The following PRKAR2B variants were observed in gnomAD, a reference collection of about 807,000 sequenced individuals.
PRKAR2B encodes protein kinase cAMP-dependent type II regulatory subunit beta, also known as cAMP-dependent protein kinase type II-beta regulatory subunit.
PRKAR2B carries 14 observed loss-of-function variants against 49.9 expected under a neutral mutation model. The observed-to-expected ratio is 0.28, with a 90% CI of 0.19 to 0.44. PRKAR2B has a LOEUF of 0.44. Ranked by LOEUF, PRKAR2B falls within the 20% of genes least tolerant of loss-of-function variation. The pLI is 1.00. For synonymous variants in PRKAR2B, 196 were observed against 197.7 expected, an observed-to-expected ratio of 0.99 and a Z score of 0.07; for missense variants, 393 against 537.9, an observed-to-expected ratio of 0.73 and a Z score of 2.67.
intron 5 of PRKAR2B, 142 bp from the exon 6 acceptor site, chr7:107,146,166 A>T: frequency 1.2e-6 from 1 of 824,830 alleles, no homozygotes. Flanking sequence ...CAGATGGCAC[A>T]GATTGATTCC....
intron 2 of PRKAR2B, 111 bp from the exon 3 acceptor site, chr7:107,121,841 T>C (rs904930982): frequency 7.8e-6 from 4 of 514,902 alleles, no homozygotes; most frequent in Non-Finnish European, 1.3e-5. Context: ...GGTGAATTAA[T>C]GGTTTTTTAT....
chr7:107,078,597 G>A (rs1794454095), intron 2 of PRKAR2B, among the ~76,000 whole-genome samples: 1 of 152,164 alleles, frequency 6.6e-6, no homozygotes, highest in Admixed American at 6.5e-5. Flanking sequence ...AATAATCCAA[G>A]TGAACAGAGC....
chr7:107,097,256 A>G (rs1794858847), intron 2 of PRKAR2B, among the ~76,000 whole-genome samples: 1 of 152,156 alleles, frequency 6.6e-6, no homozygotes, highest in South Asian at 2.1e-4. Flanking sequence ...CTTTACCATT[A>G]TGTAATGGCC....
In PRKAR2B at chr7:107,160,748, A is replaced by G. The variant is rs1240333180; in HGVS notation, c.*1166A>G. ...AATTTCTGACCTTACCATATATACC[A>G]TTAGGCCTTGCCATTGCTTTAATGT... is the stretch of plus-strand genomic sequence containing the variant. On this transcript the variant is annotated 3_prime_UTR_variant, in exon 11 of 11. Transcript: ENST00000265717. 2 of 152,176 alleles carry G rather than the reference A, an allele frequency of 1.3e-5. No individual in the cohort carries two copies. Among genetic ancestry groups the G allele is most frequent in the Admixed American group, 6.5e-5 (1 of 15,280 alleles). The allele number at this position is 152,176 out of a possible 1,614,324, so 9.4% of individuals were successfully genotyped here. A position where few individuals can be genotyped will look rare whatever the true frequency, so the allele number is the denominator to read the frequency against.
At chr7:107,119,738 T>G (rs757212576) in intron 2 of PRKAR2B, among the ~76,000 whole-genome samples, 10 of 152,182 alleles carry the variant, frequency 6.6e-5, no homozygotes, top group South Asian at 2.1e-4. Flanking sequence ...CTTGGCTGCT[T>G]CTTTGGTTTT....
At chr7:107,146,770 G>C (rs938901234) in intron 6 of PRKAR2B, among the ~76,000 whole-genome samples, 1 of 152,172 alleles carries the variant, frequency 6.6e-6, no homozygotes, top group Non-Finnish European at 1.5e-5. Context: ...ACAGCCTTAA[G>C]TACTTTTTCT....
chr7:107,079,388 T>C (rs541392591), intron 2 of PRKAR2B: 14 of 151,962 alleles, frequency 9.2e-5, no homozygotes, highest in Non-Finnish European at 1.9e-4. Flanking sequence ...AAGAAACTTC[T>C]CACAAAAAGC....
At chr7:107,059,118 T>C (rs1365311489) in intron 1 of PRKAR2B, among the ~76,000 whole-genome samples, 1 of 151,978 alleles carries the variant, frequency 6.6e-6, no homozygotes, top group African/African-American at 2.4e-5. Flanking sequence ...TGAAACCCCA[T>C]CTCTACTAAA....
intron 2 of PRKAR2B, among the ~76,000 whole-genome samples, chr7:107,101,753 G>T (rs1376761657): frequency 6.6e-6 from 1 of 152,090 alleles, no homozygotes; most frequent in Admixed American, 6.6e-5. Flanking sequence ...GTGGGTGAGG[G>T]ATTGCAGCCC....
At chr7:107,111,299 C>T (rs1795167289) in intron 2 of PRKAR2B, among the ~76,000 whole-genome samples, 1 of 152,170 alleles carries the variant, frequency 6.6e-6, no homozygotes, top group Admixed American at 6.5e-5. Flanking sequence ...TTGCTGATGG[C>T]ACCTCTGGAT....
intron 4 of PRKAR2B, among the ~76,000 whole-genome samples, chr7:107,136,148 G>C (rs1250968681): frequency 6.6e-6 from 1 of 152,032 alleles, no homozygotes; most frequent in African/African-American, 2.4e-5. Flanking sequence ...TCTAGAAATG[G>C]ACATTTTATT....
At chr7:107,123,273 G>T (rs1037257855) in intron 3 of PRKAR2B, among the ~76,000 whole-genome samples, 1 of 152,198 alleles carries the variant, frequency 6.6e-6, no homozygotes, top group African/African-American at 2.4e-5. Context: ...GTTAGGCCTT[G>T]AATTTTAGCT....
chr7:107,159,640 C>A lies in PRKAR2B; in HGVS notation c.*58C>A. Reference sequence around the variant, plus strand: ...AAATTACACAGTAGTGGTTAGTCCACTGAGAATGTGTTTGTGTAGATGCCA... The same window carrying A: ...AAATTACACAGTAGTGGTTAGTCCAATGAGAATGTGTTTGTGTAGATGCCA... On this transcript the variant is annotated 3_prime_UTR_variant, in exon 11 of 11. Transcript: ENST00000265717. 1 of 1,563,854 alleles carries A rather than the reference C, an allele frequency of 6.4e-7. No homozygotes were observed. The highest frequency in any genetic ancestry group is 8.7e-7 in the Non-Finnish European group (1 of 1,145,706).
chr7:107,062,142 C>T (rs528235646), intron 1 of PRKAR2B, among the ~76,000 whole-genome samples: 59 of 152,186 alleles, frequency 3.9e-4, no homozygotes, highest in African/African-American at 1.4e-3. Flanking sequence ...TAAGCATTCA[C>T]CCACCTATGA....
chr7:107,053,532 G>A (rs1322711473), intron 1 of PRKAR2B, among the ~76,000 whole-genome samples: 1 of 127,870 alleles, frequency 7.8e-6, no homozygotes, highest in Non-Finnish European at 1.6e-5. Flanking sequence ...AAGAGTGTGT[G>A]TGTGTGTGTG....
intron 4 of PRKAR2B, among the ~76,000 whole-genome samples, chr7:107,130,043 C>T (rs1795575091): frequency 6.6e-6 from 1 of 152,150 alleles, no homozygotes; most frequent in African/African-American, 2.4e-5. Flanking sequence ...AGGTTTCAGC[C>T]TTATTTTACC....
At chr7:107,093,845 C>T (rs930558694) in intron 2 of PRKAR2B, among the ~76,000 whole-genome samples, 1 of 152,120 alleles carries the variant, frequency 6.6e-6, no homozygotes, top group African/African-American at 2.4e-5. Flanking sequence ...ATGAACTCAT[C>T]CTTTTTTATG....
At chr7:107,124,620 C>G (rs1001957878) in intron 3 of PRKAR2B, among the ~76,000 whole-genome samples, 3 of 152,074 alleles carry the variant, frequency 2.0e-5, no homozygotes, top group African/African-American at 7.2e-5. Context: ...GGGTTTCGCC[C>G]TGTTGGCCAG....
chr7:107,088,139 G>A (rs113841792), intron 2 of PRKAR2B, among the ~76,000 whole-genome samples: 4 of 152,104 alleles, frequency 2.6e-5, no homozygotes, highest in Admixed American at 6.6e-5. Flanking sequence ...AAATTAACTG[G>A]TAGAAGGAAC....
Sources: allele counts gnomAD v4.1 joint callset (sites outside exome capture counted in the v4.1 genomes callset), GRCh38; gene constraint gnomAD v4.1.1; transcripts MANE v1.5; gene names NCBI Gene and HGNC (gene_info 2026-07-23, HGNC 2026-07-21).